CACNA1F: variants seen among roughly 807,000 people sequenced by gnomAD.
CACNA1F encodes the protein voltage-dependent L-type calcium channel subunit alpha-1F.
A neutral mutation model predicts 143.8 loss-of-function variants in CACNA1F; 59 were observed. The ratio of observed to expected loss-of-function variants is 0.41; its 90% CI spans 0.33 to 0.51. The LOEUF is 0.51. Among genes scored for constraint, CACNA1F ranks in the 20% least tolerant of loss-of-function variants. The pLI, the probability that CACNA1F is intolerant of heterozygous loss-of-function variation, is 0.22. For synonymous variants in CACNA1F, 643 were observed against 649.1 expected (o/e 0.99, Z 0.14); for missense variants, 1,411 against 1,647.5 (o/e 0.86, Z 2.48).
intron 17 of CACNA1F, among the ~76,000 whole-genome samples, chrX:49,221,661 G>A (rs954218619): frequency 3.2e-4 from 34 of 105,820 alleles, no homozygotes; most frequent in African/African-American, 1.1e-3. Context: ...CACTGCTCCC[G>A]GGCATCGCTG....
Position 49,209,629 on chromosome X carries a change from C to G in CACNA1F, c.4821G>C (p.Gln1607His). Residue 1607 changes from glutamine to histidine, a missense_variant and splice_region_variant, in exon 41 of 48, where the codon CAG becomes CAC. Physicochemically the swap from Gln to His is conservative, Grantham distance 24. This residue lies in a region of CACNA1F where 349 missense variants were observed against 350.2 expected (regional missense o/e 1.00). Coordinates refer to ENST00000323022, the MANE Select transcript of CACNA1F (RefSeq NM_001256789.3). ...DAAPSTSSAL[Q>H]AGLRSLQDLG... ...CCACACTAGGCCCTGCCCCGAAGAC[C>G]TGAAGGGCGGAAGAGGTGCTAGGGG... The G allele has an allele frequency of 8.3e-7, 1 of 1,211,614 alleles. No individual in the cohort carries two copies. The highest frequency in any genetic ancestry group is 1.1e-6 in the Non-Finnish European group (1 of 895,240).
chrX:49,223,859 G>A (rs2065798690), intron 14 of CACNA1F, among the ~76,000 whole-genome samples: 1 of 106,942 alleles, frequency 9.4e-6, no homozygotes, highest in Non-Finnish European at 1.9e-5. Flanking sequence ...AGCCTCCCGA[G>A]TAGCTGGGAC....
At chrX:49,225,578 C>T (rs2065815421) in intron 13 of CACNA1F, among the ~76,000 whole-genome samples, 1 of 111,566 alleles carries the variant, frequency 9.0e-6, no homozygotes, top group Admixed American at 9.5e-5. Context: ...CTCTGCCACT[C>T]GCTAGCTGGG....
Position 49,216,383 on chromosome X carries a change from C to T in CACNA1F, c.3235G>A (p.Ala1079Thr). The T allele has an allele frequency of 8.3e-7, 1 of 1,211,059 alleles. No homozygotes were observed. The highest frequency in any genetic ancestry group is 3.0e-5 in the East Asian group (1 of 33,867). The change falls in exon 27 of 48, where the codon GCA becomes ACA. Residue 1079 changes from alanine to threonine, a missense_variant and splice_region_variant. Ala to Thr is a moderately conservative substitution (Grantham distance 58, BLOSUM62 0). Coordinates refer to ENST00000323022, the MANE Select transcript of CACNA1F (RefSeq NM_001256789.3). ...TAAACCCAGGGCCCTGTCCCTCACG[C>T]AGGCCAGCCTTCAAAGGTGGAGACA... is the stretch of plus-strand genomic sequence containing the variant. Reference protein sequence around the residue: ...FTVSTFEGWPALLYKAIDAYA... With the variant: ...FTVSTFEGWPTLLYKAIDAYA...
intron 18 of CACNA1F, 41 bp from the exon 19 acceptor site, chrX:49,220,565 C>T (rs782737306): frequency 9.5e-7 from 1 of 1,051,199 alleles, no homozygotes; most frequent in Admixed American, 2.2e-5. Flanking sequence ...GTGAGGGAGA[C>T]ACAGGGAATG....
intron 14 of CACNA1F, among the ~76,000 whole-genome samples, chrX:49,224,351 G>A (rs2065803842): frequency 9.1e-6 from 1 of 110,057 alleles, no homozygotes; most frequent in African/African-American, 3.3e-5. Context: ...AGATGGAGTT[G>A]GGCTTGGGAA....
Position 49,226,977 on chromosome X carries a change from G to A in CACNA1F, c.1269C>T (p.Asp423=). 8.3e-7 allele frequency: 1 copy of A among 1,211,989 alleles called. No individual in the cohort carries two copies. Among genetic ancestry groups the A allele is most frequent in the South Asian group, 1.8e-5 (1 of 56,999 alleles). Residue 423 remains aspartate, a synonymous_variant, in exon 9 of 48, where the codon GAC becomes GAT. Coordinates refer to ENST00000323022, the MANE Select transcript of CACNA1F (RefSeq NM_001256789.3). ...ELDMEDPSAD[D]NLGPQLAELT... ...CCTCTTCAGCCATAGAACCAAGGTTGTCATCGGCGGAGGGGTCCTCCATGT... is the reference window on the plus strand; with the variant it reads ...CCTCTTCAGCCATAGAACCAAGGTTATCATCGGCGGAGGGGTCCTCCATGT...
chrX:49,207,124 G>C lies in CACNA1F; in HGVS notation c.5124-12C>G. 1 of 1,069,256 alleles carries C rather than the reference G, an allele frequency of 9.4e-7. No individual in the cohort carries two copies. Among genetic ancestry groups the C allele is most frequent in the Non-Finnish European group, 1.3e-6 (1 of 776,824 alleles). 88.1% of individuals were successfully genotyped at this position (1,069,256 alleles called of 1,213,427 possible). A position where few individuals can be genotyped will look rare whatever the true frequency, so the allele number is the denominator to read the frequency against. On this transcript the variant is annotated splice_polypyrimidine_tract_variant and intron_variant, in intron 43 of 47. Coordinates refer to ENST00000323022, the MANE Select transcript of CACNA1F (RefSeq NM_001256789.3). Reference sequence around the variant, plus strand: ...CCCCAGAGCCTCTCCTGGGGAAAGGGAGGCACGTTAGGCAGACCAGATCCC... The same window carrying C: ...CCCCAGAGCCTCTCCTGGGGAAAGGCAGGCACGTTAGGCAGACCAGATCCC...
Position 49,211,909 on chromosome X carries a change from C to G in CACNA1F, c.4089G>C (p.Leu1363=). The change falls in exon 35 of 48, where the codon CTG becomes CTC. Residue 1363 remains leucine (L), a synonymous_variant. Coordinates refer to ENST00000323022, the MANE Select transcript of CACNA1F (RefSeq NM_001256789.3). ...NNFQTFPQAV[L]LLFRCATGEA... The stretch of plus-strand genomic sequence containing the variant: ...TGAGTAGATGTCACCTGAACAGAAG[C>G]AGCACAGCCTGTGGAAAGGTCTGGA... 1 of 1,209,766 alleles carries G rather than the reference C, an allele frequency of 8.3e-7. No individual in the cohort carries two copies. The highest frequency in any genetic ancestry group is 1.7e-5 in the African/African-American group (1 of 57,797).
At position 49,228,344 on chromosome X, in the gene CACNA1F, A is replaced by T; in HGVS notation, c.921T>A (p.Asn307Lys). 1 of 1,211,040 alleles carries T rather than the reference A, an allele frequency of 8.3e-7. No individual in the cohort carries two copies. Among genetic ancestry groups the T allele is most frequent in the Non-Finnish European group, 1.1e-6 (1 of 894,674 alleles). The change falls in exon 7 of 48, where the codon AAT (asparagine) becomes AAA (lysine). Residue 307 changes from asparagine to lysine, a missense_variant. By Grantham distance (94) the Asn-to-Lys change is moderately conservative (BLOSUM62 0). This residue lies in a region of CACNA1F where 950 missense variants were observed against 1,128.1 expected (regional missense o/e 0.84). Coordinates refer to ENST00000323022, the MANE Select transcript of CACNA1F (RefSeq NM_001256789.3). ...TECRGRWPGP[N>K]GGITNFDNFF... ...AGTTGTCAAAGTTGGTGATGCCTCC[A>T]TTGGGCCCTGGCCAGCGCCCGCGGC...
Position 49,230,969 on chromosome X carries a change from G to C in CACNA1F, c.402C>G (p.Phe134Leu), listed in dbSNP as rs2065872075. Residue 134 changes from phenylalanine (F) to leucine (L), a missense_variant, in exon 4 of 48, where the codon TTC (phenylalanine) becomes TTG (leucine). By Grantham distance (22) the Phe-to-Leu change is conservative (BLOSUM62 0). Around this residue, in one of 3 missense-constraint regions of CACNA1F, gnomAD observed 950 missense variants for 1,128.1 expected, o/e 0.84. Transcript: ENST00000323022. ...NHNLEQVEYV[F>L]LVIFTVETVL... ...CCGTCTCCACAGTGAAAATCACCAG[G>C]AATACGTACTCCACCTGCTCCTGGG... 2.0e-6 allele frequency: 2 copies of C among 979,806 alleles called. No individual in the cohort carries two copies. The highest frequency in any genetic ancestry group is 3.9e-5 in the African/African-American group (2 of 50,813). 80.7% of individuals were successfully genotyped at this position (979,806 alleles called of 1,213,427 possible). A position where few individuals can be genotyped will look rare whatever the true frequency, so the allele number is the denominator to read the frequency against.
chrX:49,221,148 T>G, intron 17 of CACNA1F, 68 bp from the exon 18 acceptor site: 1 of 930,228 alleles, frequency 1.1e-6, no homozygotes, highest in Non-Finnish European at 1.6e-6. Flanking sequence ...AGAACAGACC[T>G]TTCTTGGGTC....
In CACNA1F at chrX:49,230,786, C is replaced by A. The variant is rs781915169; in HGVS notation, c.521+64G>T. On this transcript the variant is annotated intron_variant, in intron 4 of 47. Transcript: ENST00000323022. Reference sequence around the variant, plus strand: ...TCTGAAAGAGTCGCTTTCCTGAGCCCAGAATTCAGCGGGCCTGACGGTAGG... The same window carrying A: ...TCTGAAAGAGTCGCTTTCCTGAGCCAAGAATTCAGCGGGCCTGACGGTAGG... The A allele has an allele frequency of 1.7e-5, 19 of 1,138,479 alleles. No individual in the cohort carries two copies. The African/African-American group carries it at 2.5e-4, about 15-fold the overall frequency. The allele number at this position is 1,138,479 out of a possible 1,213,427, so 93.8% of individuals were successfully genotyped here.
intron 3 of CACNA1F, 49 bp downstream of exon 3, chrX:49,231,153 A>G (rs1225806614): frequency 4.3e-6 from 4 of 921,389 alleles, no homozygotes; most frequent in Non-Finnish European, 6.1e-6. Context: ...AGTGAGCTCT[A>G]CTGGGGCTCT....
Position 49,231,683 on chromosome X carries a change from C to A in CACNA1F, c.270G>T (p.Glu90Asp), listed in dbSNP as rs147690780. The change falls in exon 2 of 48, where the codon GAG becomes GAT. Residue 90 changes from glutamate to aspartate, a missense_variant. Glu to Asp is a conservative substitution (Grantham distance 45, BLOSUM62 2). This residue lies in a region of CACNA1F where 950 missense variants were observed against 1,128.1 expected (regional missense o/e 0.84). Coordinates refer to ENST00000323022, the MANE Select transcript of CACNA1F (RefSeq NM_001256789.3). ...GCCCCTGCCTTCCAGGATGCTTCCA[C>A]TCCACGATGCTGATGCAGGACCGTC... ...PLRRSCISIVEWKPFDILILL... is the reference protein window; with the variant it reads ...PLRRSCISIVDWKPFDILILL... The A allele has an allele frequency of 2.5e-6, 3 of 1,210,455 alleles. No homozygotes were observed. The highest frequency in any genetic ancestry group is 3.5e-5 in the African/African-American group (2 of 57,346).
At position 49,212,974 on chromosome X, in the gene CACNA1F, C is replaced by T. The variant is rs782341544; in HGVS notation, c.3813G>A (p.Glu1271=). The T allele has an allele frequency of 7.2e-5, 86 of 1,202,518 alleles. No homozygotes were observed. Among genetic ancestry groups the T allele is most frequent in the Non-Finnish European group, 7.7e-5 (69 of 890,828 alleles). Residue 1271 remains glutamate (E), a splice_region_variant and synonymous_variant, in exon 32 of 48, where the codon GAG becomes GAA. Transcript: ENST00000323022. ...AGTCCCTGTTATTAGGGTGGGCTAC[C>T]TCGCCAAGGTGGCCACCATTCTGGA... The part of the protein sequence containing the change: ...TEVNNGGHLG[E]SSEDSSRISI...
At chrX:49,223,786 C>A (rs2065797826) in intron 14 of CACNA1F, among the ~76,000 whole-genome samples, 1 of 96,499 alleles carries the variant, frequency 1.0e-5, no homozygotes, top group South Asian at 5.3e-4. Context: ...AGCTGGAGTG[C>A]AGTGGCACAA....
chrX:49,230,723 T>A (rs1450108453), intron 4 of CACNA1F, 114 bp from the exon 5 acceptor site: 1 of 1,087,023 alleles, frequency 9.2e-7, no homozygotes, highest in Non-Finnish European at 1.2e-6. Flanking sequence ...AAATGGGTTT[T>A]AATAATATTC....
In CACNA1F at chrX:49,211,497, CA is replaced by C; in HGVS notation, c.4101-17del. On this transcript the variant is annotated splice_polypyrimidine_tract_variant and intron_variant, in intron 35 of 47. Coordinates refer to ENST00000323022, the MANE Select transcript of CACNA1F (RefSeq NM_001256789.3). ...AGTGGCACACCTGGTGGGAGTCACA[CA>C]GGGGTAGCATCCTGAAGGGGAGGCT... 2 of 1,196,738 alleles carry C rather than the reference CA, an allele frequency of 1.7e-6. No homozygotes were observed. The highest frequency in any genetic ancestry group is 2.3e-6 in the Non-Finnish European group (2 of 881,906).
Sources: allele counts gnomAD v4.1 joint callset (sites outside exome capture counted in the v4.1 genomes callset), GRCh38; gene constraint gnomAD v4.1.1; regional missense constraint gnomAD v4.1.1; transcripts MANE v1.5; gene names NCBI Gene and HGNC (gene_info 2026-07-23, HGNC 2026-07-21).